Variants in FGF1 observed in about 807,000 individuals in gnomAD.
FGF1 encodes the protein beta-endothelial cell growth factor.
In FGF1, 9 loss-of-function variants were observed where a neutral mutation model predicts 13.4. That is an observed-to-expected ratio of 0.67 (90% CI 0.40 to 1.17). The LOEUF is 1.17. FGF1 is among the 50% of genes most tolerant of loss of function. The pLI, the probability that FGF1 is intolerant of heterozygous loss-of-function variation, is 0.01. For missense variants in FGF1, 156 were observed against 192.7 expected (o/e 0.81, Z 1.13); for synonymous variants, 93 against 79.0 (o/e 1.18, Z -0.94).
intron 1 of FGF1, among the ~76,000 whole-genome samples, chr5:142,676,491 A>C (rs1043915624): frequency 2.0e-5 from 3 of 152,218 alleles, no homozygotes; most frequent in Admixed American, 2.0e-4. Context: ...ATTTTATGGA[A>C]TCAAAGAGGT....
chr5:142,614,986 C>T (rs138356295), intron 1 of FGF1, among the ~76,000 whole-genome samples: 202 of 151,862 alleles, frequency 1.3e-3, no homozygotes, highest in African/African-American at 3.4e-3. Context: ...CAGAAACCAC[C>T]ATATTATATA....
intron 1 of FGF1, among the ~76,000 whole-genome samples, chr5:142,646,724 C>G (rs1371583186): frequency 6.6e-6 from 1 of 152,066 alleles, no homozygotes; most frequent in Non-Finnish European, 1.5e-5. Flanking sequence ...GAACTCCTGA[C>G]CTCGTGATCT....
At position 142,595,377 on chromosome 5, in the gene FGF1, C is replaced by T; in HGVS notation, c.381G>A (p.Lys127=). Residue 127 remains lysine (K), a synonymous_variant, in exon 4 of 4, where the codon AAG becomes AAA. Transcript: ENST00000337706. ...HAEKNWFVGL[K]KNGSCKRGPR... is the part of the protein sequence containing the mutation. ...GACCGCGTTTGCAGCTCCCATTCTT[C>T]TTGAGGCCAACAAACCAATTCTTCT... is the stretch of plus-strand genomic sequence containing the variant. The T allele has an allele frequency of 1.9e-6, 3 of 1,614,118 alleles. No individual in the cohort carries two copies. Among genetic ancestry groups the T allele is most frequent in the Middle Eastern group, 3.3e-4 (2 of 6,060 alleles).
intron 3 of FGF1, among the ~76,000 whole-genome samples, chr5:142,598,243 T>G (rs542416306): frequency 6.6e-6 from 1 of 152,284 alleles, no homozygotes; most frequent in Non-Finnish European, 1.5e-5. Context: ...GATGGCCACA[T>G]TCCCCACCTG....
At chr5:142,694,236 A>G (rs1752750008) in intron 2 of FGF1, among the ~76,000 whole-genome samples, 1 of 151,282 alleles carries the variant, frequency 6.6e-6, no homozygotes, top group Non-Finnish European at 1.5e-5. Flanking sequence ...AAGACCTCAG[A>G]TCTCTTACAT....
chr5:142,684,159 A>T (rs770997390), intron 1 of FGF1, among the ~76,000 whole-genome samples: 13 of 152,190 alleles, frequency 8.5e-5, no homozygotes, highest in Non-Finnish European at 1.5e-4. Flanking sequence ...CTAATAGTTT[A>T]TGTGTAGTTC....
At chr5:142,623,959 G>T (rs1762063146) in intron 1 of FGF1, among the ~76,000 whole-genome samples, 1 of 151,628 alleles carries the variant, frequency 6.6e-6, no homozygotes, top group Non-Finnish European at 1.5e-5. Flanking sequence ...CGCTCTTGTT[G>T]CCCAGGCTGG....
chr5:142,693,612 G>A (rs1045332761), intron 2 of FGF1, among the ~76,000 whole-genome samples: 26 of 152,064 alleles, frequency 1.7e-4, no homozygotes, highest in Non-Finnish European at 2.8e-4. Flanking sequence ...AAAGTTGTGC[G>A]GCCATCACAA....
At chr5:142,682,253 T>A (rs547853914) in intron 1 of FGF1, among the ~76,000 whole-genome samples, 50 of 152,228 alleles carry the variant, frequency 3.3e-4, no homozygotes, top group African/African-American at 1.2e-3. Context: ...GCCAGGTAAT[T>A]TTGTATTTTT....
chr5:142,618,410 C>T (rs948909552), intron 1 of FGF1, among the ~76,000 whole-genome samples: 2 of 152,150 alleles, frequency 1.3e-5, no homozygotes, highest in Admixed American at 6.5e-5. Flanking sequence ...AATTCTCATC[C>T]TGCCTCTCAC....
intron 1 of FGF1, among the ~76,000 whole-genome samples, chr5:142,678,365 CCAA>C (rs1239439759): frequency 1.3e-5 from 2 of 152,120 alleles, no homozygotes; most frequent in Non-Finnish European, 2.9e-5. Context: ...ACGGATCATG[CCAA>C]CAACAGCTGA....
At chr5:142,687,053 T>C (rs867432647), upstream of FGF1, among the ~76,000 whole-genome samples, 3 of 152,176 alleles carry the variant, frequency 2.0e-5, no homozygotes, top group South Asian at 2.1e-4. Context: ...ACATGATTAA[T>C]AGTTTCCAAT....
chr5:142,642,232 A>G (rs1198403548), intron 1 of FGF1, among the ~76,000 whole-genome samples: 1 of 152,196 alleles, frequency 6.6e-6, no homozygotes, highest in Non-Finnish European at 1.5e-5. Flanking sequence ...AGGACCAGGA[A>G]TGGCCCAGGA....
intron 1 of FGF1, among the ~76,000 whole-genome samples, chr5:142,632,940 A>G (rs1440579330): frequency 7.5e-6 from 1 of 132,574 alleles, no homozygotes; most frequent in Non-Finnish European, 1.6e-5. Flanking sequence ...TTTTTTTTTT[A>G]GACGGAGTCT....
At chr5:142,637,159 A>G (rs532284730) in intron 1 of FGF1, among the ~76,000 whole-genome samples, 1 of 151,932 alleles carries the variant, frequency 6.6e-6, no homozygotes, top group African/African-American at 2.4e-5. Flanking sequence ...AGACAGTGGC[A>G]TTTAGCCAGC....
chr5:142,674,780 G>A (rs1226975748), intron 1 of FGF1, among the ~76,000 whole-genome samples: 1 of 152,178 alleles, frequency 6.6e-6, no homozygotes, highest in African/African-American at 2.4e-5. Flanking sequence ...CCTAGAGCAA[G>A]ACGTGGTTAG....
chr5:142,616,528 CAG>C (rs1366150923), intron 1 of FGF1, among the ~76,000 whole-genome samples: 4 of 152,164 alleles, frequency 2.6e-5, no homozygotes, highest in Non-Finnish European at 5.9e-5. Flanking sequence ...GAGAGGATTG[CAG>C]AGTTTACCTT....
chr5:142,637,393 C>A (rs1471818983), intron 1 of FGF1, among the ~76,000 whole-genome samples: 1 of 150,636 alleles, frequency 6.6e-6, no homozygotes, highest in Non-Finnish European at 1.5e-5. Context: ...GATCTCAGCT[C>A]ACTGCAAGCT....
chr5:142,617,146 C>G (rs918037104), intron 1 of FGF1, among the ~76,000 whole-genome samples: 1 of 152,160 alleles, frequency 6.6e-6, no homozygotes, highest in Admixed American at 6.5e-5. Context: ...GGGTGGATCA[C>G]CTGAGGTCAA....
Sources: gnomAD v4.1 joint callset for allele counts (sites outside exome capture counted in the v4.1 genomes callset) on GRCh38, gnomAD v4.1.1 for gene constraint, MANE v1.5 for transcripts, NCBI Gene and HGNC (gene_info 2026-07-23, HGNC 2026-07-21) for gene names.